Variants in CTDP1 observed in about 807,000 individuals in gnomAD.
CTDP1 encodes the protein RNA polymerase II subunit A C-terminal domain phosphatase.
A neutral mutation model predicts 91.8 loss-of-function variants in CTDP1; 47 were observed. The ratio of observed to expected loss-of-function variants is 0.51; its 90% confidence interval spans 0.41 to 0.65. The LOEUF is 0.65. Ranked by LOEUF, CTDP1 falls within the 30% of genes least tolerant of loss-of-function variation. The pLI, the probability that CTDP1 is intolerant of heterozygous loss-of-function variation, is 0.00. For missense variants in CTDP1, 1,272 were observed against 1,373.7 expected (o/e 0.93, Z 1.17); for synonymous variants, 656 against 598.5 (o/e 1.10, Z -1.40).
rs949668335 is a variant in CTDP1 at position 79,717,435 on chromosome 18, G to A, written c.2069-100G>A. On this transcript the variant is annotated intron_variant, in intron 8 of 12. Transcript: ENST00000613122. ...CCGAGTGAGGGCCCTGAGCCCTGGT[G>A]GGGTACAGCCAGGTGAGGGCCCTGG... is the stretch of plus-strand genomic sequence containing the variant. The A allele has an allele frequency of 3.3e-6, 5 of 1,537,794 alleles. No individual in the cohort carries two copies. The East Asian group carries it at 6.8e-5, about 21-fold the overall frequency.
At position 79,729,111 on chromosome 18, in the gene CTDP1, G is replaced by T. The variant is rs769705177; in HGVS notation, c.2580+42G>T. On this transcript the variant is annotated intron_variant, in intron 11 of 12. Coordinates refer to ENST00000613122, the MANE Select transcript of CTDP1 (RefSeq NM_004715.5). ...CCCCGGTGCCCGCGCCAGCGCTCGT[G>T]CTGGGGCCGCAGAGCTCTGGTGTGC... 3 of 1,610,780 alleles carry T rather than the reference G, an allele frequency of 1.9e-6. No individual in the cohort carries two copies. In the South Asian group the frequency reaches 3.3e-5, roughly 18 times the overall value.
intron 4 of CTDP1, 43 bp downstream of exon 4, chr18:79,698,031 G>C: frequency 6.2e-7 from 1 of 1,612,226 alleles, no homozygotes; most frequent in Non-Finnish European, 8.5e-7. Context: ...CAGGAACCGC[G>C]GGTCCTAGAA....
At chr18:79,707,374 G>A (rs574404426) in intron 5 of CTDP1, among the ~76,000 whole-genome samples, 10 of 152,362 alleles carry the variant, frequency 6.6e-5, no homozygotes, top group Non-Finnish European at 1.5e-4. Context: ...GAGCATCCAT[G>A]CAGACATCCG....
intron 12 of CTDP1, among the ~76,000 whole-genome samples, chr18:79,744,934 G>A (rs771902183): frequency 1.2e-4 from 18 of 152,178 alleles, no homozygotes; most frequent in East Asian, 1.9e-4. Flanking sequence ...TCAGAGTAAC[G>A]GAGGCTGGTG....
chr18:79,701,552 A>G (rs956164652), intron 4 of CTDP1, among the ~76,000 whole-genome samples: 2 of 150,438 alleles, frequency 1.3e-5, no homozygotes, highest in African/African-American at 4.9e-5. Context: ...TAAATAAATA[A>G]ATAAATAAAT....
At chr18:79,689,783 A>G (rs1033016047) in intron 1 of CTDP1, among the ~76,000 whole-genome samples, 3 of 152,258 alleles carry the variant, frequency 2.0e-5, no homozygotes, top group Non-Finnish European at 4.4e-5. Flanking sequence ...TCCGTCACAA[A>G]TAAGTAACAT....
At position 79,710,382 on chromosome 18, in the gene CTDP1, G is replaced by T; in HGVS notation, c.809G>T (p.Arg270Leu). 1.9e-6 allele frequency: 3 copies of T among 1,613,740 alleles called. No individual in the cohort carries two copies. Among genetic ancestry groups the T allele is most frequent in the Non-Finnish European group, 2.5e-6 (3 of 1,179,926 alleles). ...CCCGAGAAGAAGCTTTTTTCTCACCGAATATTATCAAGGGATGAATGTATT... is the reference window on the plus strand; with the variant it reads ...CCCGAGAAGAAGCTTTTTTCTCACCTAATATTATCAAGGGATGAATGTATT... ...LDPEKKLFSH[R>L]ILSRDECIDP... Residue 270 changes from arginine (R) to leucine (L), a missense_variant, in exon 6 of 13, where the codon CGA becomes CTA. Arg to Leu is a moderately radical substitution (Grantham distance 102, BLOSUM62 -2). Transcript: ENST00000613122.
intron 1 of CTDP1, among the ~76,000 whole-genome samples, chr18:79,691,253 A>C (rs910769310): frequency 2.0e-5 from 3 of 152,196 alleles, no homozygotes; most frequent in African/African-American, 7.2e-5. Context: ...CTTATAGTCA[A>C]CTTTCTTCAG....
intron 1 of CTDP1, 116 bp from the exon 2 acceptor site, chr18:79,695,109 A>T (rs1216737409): frequency 1.1e-6 from 1 of 900,360 alleles, no homozygotes; most frequent in Non-Finnish European, 1.8e-6. Context: ...CTACAAAGTT[A>T]TGCAAGGGTT....
intron 10 of CTDP1, among the ~76,000 whole-genome samples, chr18:79,722,392 C>A (rs796839899): frequency 4.6e-5 from 7 of 152,292 alleles, no homozygotes; most frequent in African/African-American, 1.7e-4. Context: ...GGCTGTAGTT[C>A]ATTTGAATAA....
chr18:79,680,404 C>A (rs991707028), intron 1 of CTDP1, 143 bp downstream of exon 1: 1 of 622,936 alleles, frequency 1.6e-6, no homozygotes, highest in South Asian at 7.4e-5. Flanking sequence ...CTGCGCTTCT[C>A]CCCTAAAACT....
chr18:79,714,515 T>C lies in CTDP1; in HGVS notation c.1055T>C (p.Val352Ala), dbSNP rs2086153440. ...KKVNHSRGTE[V>A]SEPSPPVRDP... ...GTAAATCATTCTCGAGGCACTGAGG[T>C]CTCAGAGCCATCTCCGCCCGTGAGA... The change falls in exon 8 of 13, where the codon GTC becomes GCC. Residue 352 changes from valine to alanine, a missense_variant. Around this residue, in one of 3 missense-constraint regions of CTDP1, gnomAD observed 881 missense variants for 911.6 expected, o/e 0.97. Transcript: ENST00000613122. 1 of 1,612,984 alleles carries C rather than the reference T, an allele frequency of 6.2e-7. No individual in the cohort carries two copies. Among genetic ancestry groups the C allele is most frequent in the Non-Finnish European group, 8.5e-7 (1 of 1,180,026 alleles).
At chr18:79,696,184 G>A in intron 3 of CTDP1, 114 bp downstream of exon 3, 1 of 860,410 alleles carries the variant, frequency 1.2e-6, no homozygotes, top group Non-Finnish European at 1.9e-6. Context: ...CGTCGTTACT[G>A]AAACAACCCC....
At chr18:79,734,208 G>A (rs1177366511) in intron 11 of CTDP1, among the ~76,000 whole-genome samples, 7 of 152,214 alleles carry the variant, frequency 4.6e-5, no homozygotes, top group African/African-American at 1.4e-4. Context: ...CGGCTGGGCC[G>A]GGTGTGCTGA....
intron 1 of CTDP1, among the ~76,000 whole-genome samples, chr18:79,681,957 G>A (rs1442686693): frequency 3.3e-5 from 5 of 152,152 alleles, no homozygotes; most frequent in African/African-American, 7.2e-5. Flanking sequence ...GTGGTGTGAC[G>A]TCAGCATTTC....
At chr18:79,697,298 G>A (rs1435007733) in intron 3 of CTDP1, among the ~76,000 whole-genome samples, 3 of 152,136 alleles carry the variant, frequency 2.0e-5, no homozygotes, top group African/African-American at 7.2e-5. Context: ...GTCACATCCC[G>A]TGTCCCATGC....
chr18:79,731,940 G>T (rs543481789), intron 11 of CTDP1, among the ~76,000 whole-genome samples: 50 of 151,630 alleles, frequency 3.3e-4, no homozygotes, highest in African/African-American at 1.1e-3. Flanking sequence ...CATTAGGAGT[G>T]CTCCCCAAAT....
intron 12 of CTDP1, among the ~76,000 whole-genome samples, chr18:79,748,242 T>A (rs1032884752): frequency 6.6e-6 from 1 of 152,260 alleles, no homozygotes; most frequent in Non-Finnish European, 1.5e-5. Context: ...CATCTCGTAT[T>A]TTTAAATCCC....
intron 2 of CTDP1, 41 bp from the exon 3 acceptor site, chr18:79,695,936 A>C: frequency 2.0e-6 from 3 of 1,528,884 alleles, no homozygotes; most frequent in Middle Eastern, 1.7e-4. Context: ...CTGTGCGCAG[A>C]GACTCAGCTG....
Sources: allele counts gnomAD v4.1 joint callset (sites outside exome capture counted in the v4.1 genomes callset), GRCh38; gene constraint gnomAD v4.1.1; regional missense constraint gnomAD v4.1.1; transcripts MANE v1.5; gene names NCBI Gene and HGNC (gene_info 2026-07-23, HGNC 2026-07-21).